Variants in SYNE2 observed in about 807,000 individuals in gnomAD.
SYNE2 encodes the protein spectrin repeat containing nuclear envelope protein 2.
Under a neutral mutation model 856.3 loss-of-function variants are expected in SYNE2, and 431 were observed. The observed-to-expected ratio is 0.50, with a 90% CI of 0.47 to 0.55. The LOEUF is 0.55. SYNE2 is among the 20% of genes least tolerant of loss of function. SYNE2 has a pLI of 0.00. For missense variants in SYNE2, 8,129 were observed against 8,023.2 expected, an observed-to-expected ratio of 1.01 and a Z score of -0.50; for synonymous variants, 2,923 against 2,872.3, an observed-to-expected ratio of 1.02 and a Z score of -0.56.
intron 1 of SYNE2, among the ~76,000 whole-genome samples, chr14:63,844,541 C>G (rs914394632): frequency 9.9e-5 from 15 of 152,196 alleles, no homozygotes; most frequent in African/African-American, 3.6e-4. Context: ...TACCAAGGAG[C>G]AAGATTACAT....
chr14:64,005,078 C>T (rs911101252), intron 30 of SYNE2, among the ~76,000 whole-genome samples: 2 of 152,042 alleles, frequency 1.3e-5, no homozygotes, highest in African/African-American at 4.8e-5. Context: ...TGAGGAAAGG[C>T]AAGGAGGTGA....
At chr14:63,983,967 C>A in intron 18 of SYNE2, 81 bp downstream of exon 18, 1 of 1,046,028 alleles carries the variant, frequency 9.6e-7, no homozygotes, top group South Asian at 1.5e-5. Flanking sequence ...TATTGCCGGG[C>A]ACGGTGGCTC....
Position 64,119,628 on chromosome 14 carries a change from T to C in SYNE2, c.13023+19T>C. ...AGATCAGGTAAAAAATGACTATCTA[T>C]GGACATTCATCTTGATACACATATG... is the stretch of plus-strand genomic sequence containing the variant. On this transcript the variant is annotated intron_variant, in intron 67 of 115. Transcript: ENST00000555002. The C allele has an allele frequency of 6.2e-7, 1 of 1,613,226 alleles. No individual in the cohort carries two copies. The highest frequency in any genetic ancestry group is 1.1e-5 in the South Asian group (1 of 90,962).
intron 1 of SYNE2, among the ~76,000 whole-genome samples, chr14:63,784,864 A>G (rs1452881120): frequency 6.6e-6 from 1 of 152,014 alleles, no homozygotes; most frequent in East Asian, 1.9e-4. Context: ...TGCACCACCT[A>G]TATATCATAT....
At position 64,163,597 on chromosome 14, in the gene SYNE2, C is replaced by G; in HGVS notation, c.16479+16C>G. 1 of 1,613,678 alleles carries G rather than the reference C, an allele frequency of 6.2e-7. No individual in the cohort carries two copies. Among genetic ancestry groups the G allele is most frequent in the South Asian group, 1.1e-5 (1 of 91,052 alleles). Reference sequence around the variant, plus strand: ...TGAATTTGAGGTTCATCTTTTCTTTCCATTCAAGTTTTAGTCTTAGACATT... The same window carrying G: ...TGAATTTGAGGTTCATCTTTTCTTTGCATTCAAGTTTTAGTCTTAGACATT... On this transcript the variant is annotated intron_variant, in intron 89 of 115. Coordinates refer to ENST00000555002, the MANE Select transcript of SYNE2 (RefSeq NM_182914.3).
In SYNE2 at chr14:64,090,949, A is replaced by G. The variant is rs145768133; in HGVS notation, c.11877A>G (p.Thr3959=). The G allele has an allele frequency of 1.2e-6, 2 of 1,614,180 alleles. No individual in the cohort carries two copies. Among genetic ancestry groups the G allele is most frequent in the Non-Finnish European group, 1.7e-6 (2 of 1,180,016 alleles). ...AAGTGGAACTGAGGTTGCCCCAAAC[A>G]GGAATGAAACCTCTGCCTGTGTTTC... ...SYQVELRLPQ[T]GMKPLPVFQR... The change falls in exon 60 of 116, where the codon ACA becomes ACG. Residue 3959 remains threonine, a synonymous_variant. Coordinates refer to ENST00000555002, the MANE Select transcript of SYNE2 (RefSeq NM_182914.3).
chr14:64,049,971 A>C, intron 47 of SYNE2, 95 bp downstream of exon 47: 2 of 1,415,686 alleles, frequency 1.4e-6, no homozygotes, highest in Non-Finnish European at 1.9e-6. Flanking sequence ...TTATATTGTG[A>C]AAGGAAATTA....
At chr14:64,076,183 C>G in intron 54 of SYNE2, 83 bp downstream of exon 54, 1 of 1,481,164 alleles carries the variant, frequency 6.8e-7, no homozygotes, top group Non-Finnish European at 9.3e-7. Context: ...TGTCAAATTC[C>G]ATTTGCCAGG....
At chr14:63,874,643 T>A (rs995100555) in intron 1 of SYNE2, among the ~76,000 whole-genome samples, 6 of 152,198 alleles carry the variant, frequency 3.9e-5, no homozygotes, top group African/African-American at 1.2e-4. Context: ...ATTTTGAGCC[T>A]ATTTGCCATA....
At position 64,137,821 on chromosome 14, in the gene SYNE2, G is replaced by C; in HGVS notation, c.14681G>C (p.Arg4894Pro). 6.2e-7 allele frequency: 1 copy of C among 1,614,116 alleles called. No individual in the cohort carries two copies. Among genetic ancestry groups the C allele is most frequent in the Non-Finnish European group, 8.5e-7 (1 of 1,180,014 alleles). ...AGAAACATTGGTGGAAAACACGCCC[G>C]GCTTTACCAAACTCTGAACGAAGGC... ...IKRNIGGKHA[R>P]LYQTLNEGKQ... is the part of the protein sequence containing the mutation. Residue 4894 changes from arginine (R) to proline (P), a missense_variant, in exon 79 of 116, where the codon CGG becomes CCG. Around this residue, in one of 3 missense-constraint regions of SYNE2, gnomAD observed 5,410 missense variants for 5,284.8 expected, o/e 1.02. Coordinates refer to ENST00000555002, the MANE Select transcript of SYNE2 (RefSeq NM_182914.3).
chr14:64,131,386 C>G (rs111572986), intron 76 of SYNE2, among the ~76,000 whole-genome samples: 5 of 152,264 alleles, frequency 3.3e-5, no homozygotes, highest in African/African-American at 1.2e-4. Flanking sequence ...ATACAGGAAG[C>G]TTTATGTCCA....
Position 64,018,264 on chromosome 14 carries a change from G to T in SYNE2, c.5049+508G>T, listed in dbSNP as rs997486665. ...TTTCTTTTCTCTTTTTTTTGAGGCA[G>T]AGTCTCGTTCTGTCACCCAGGCTGG... is the stretch of plus-strand genomic sequence containing the variant. On this transcript the variant is annotated intron_variant, in intron 34 of 115. Transcript: ENST00000555002. 5.9e-5 allele frequency among the ~76,000 whole-genome samples: 9 copies of T among 152,134 alleles called. No homozygotes were observed. The East Asian group carries it at 1.7e-3, about 29-fold the overall frequency.
intron 18 of SYNE2, among the ~76,000 whole-genome samples, chr14:63,984,879 C>G (rs549425136): frequency 6.6e-6 from 1 of 152,096 alleles, no homozygotes; most frequent in African/African-American, 2.4e-5. Flanking sequence ...GTAATCTGAC[C>G]AGGCAAGGTG....
intron 1 of SYNE2, among the ~76,000 whole-genome samples, chr14:63,837,789 T>C (rs1485475601): frequency 6.6e-6 from 1 of 151,680 alleles, no homozygotes; most frequent in African/African-American, 2.4e-5. Context: ...TATATTGCCA[T>C]GGGCCTGTAG....
chr14:64,126,888 T>A (rs1595701088), intron 73 of SYNE2, 81 bp downstream of exon 73: 2 of 1,385,730 alleles, frequency 1.4e-6, no homozygotes, highest in East Asian at 2.4e-5. Context: ...CTATTCCTGG[T>A]GACATTTGTT....
chr14:63,801,325 C>G (rs995849152), intron 1 of SYNE2, among the ~76,000 whole-genome samples: 3 of 152,162 alleles, frequency 2.0e-5, no homozygotes, highest in African/African-American at 7.2e-5. Context: ...AGAACTTACT[C>G]ATGTAACCAA....
At chr14:64,040,973 GA>G (rs2097144006) in intron 45 of SYNE2, among the ~76,000 whole-genome samples, 1 of 151,900 alleles carries the variant, frequency 6.6e-6, no homozygotes, top group Non-Finnish European at 1.5e-5. Flanking sequence ...GGCAACTAGA[GA>G]AAAAAGATTA....
In SYNE2 at chr14:64,150,844, G is replaced by A. The variant is rs1297322249; in HGVS notation, c.15640-1720G>A. 2.0e-5 allele frequency among the ~76,000 whole-genome samples: 3 copies of A among 152,160 alleles called. No homozygotes were observed. In the East Asian group the frequency reaches 5.8e-4, roughly 29 times the overall value. On this transcript the variant is annotated intron_variant, in intron 84 of 115. Transcript: ENST00000555002. ...GGGTGTGAGGGAGCGAGTTAGGGTG[G>A]CAGAGATGGACAGAGGTAGCAGCTG...
intron 6 of SYNE2, among the ~76,000 whole-genome samples, chr14:63,946,698 AT>A (rs2096036352): frequency 6.7e-6 from 1 of 148,930 alleles, no homozygotes; most frequent in Admixed American, 6.7e-5. Context: ...ATAACATAAT[AT>A]ATACTGGACA....
Sources: allele counts gnomAD v4.1 joint callset (sites outside exome capture counted in the v4.1 genomes callset), GRCh38; gene constraint gnomAD v4.1.1; regional missense constraint gnomAD v4.1.1; transcripts MANE v1.5; gene names NCBI Gene and HGNC (gene_info 2026-07-23, HGNC 2026-07-21).